Variants in DNA2 observed in about 807,000 individuals in gnomAD.
DNA2 encodes the protein DNA replication helicase/nuclease 2, also known as DNA replication ATP-dependent helicase/nuclease DNA2.
DNA2 carries 101 observed loss-of-function variants against 119.1 expected under a neutral mutation model. That is an observed-to-expected ratio of 0.85 (90% confidence interval 0.72 to 1.00). DNA2 has a LOEUF of 1.00. Ranked by LOEUF, DNA2 falls within the 50% of genes least tolerant of loss-of-function variation. DNA2 has a pLI of 0.00. For synonymous variants in DNA2, 366 were observed against 424.4 expected, an observed-to-expected ratio of 0.86 and a Z score of 1.69; for missense variants, 1,121 against 1,255.5, an observed-to-expected ratio of 0.89 and a Z score of 1.62.
intron 10 of DNA2, among the ~76,000 whole-genome samples, chr10:68,433,365 C>T (rs1294443516): frequency 6.6e-6 from 1 of 152,144 alleles, no homozygotes; most frequent in Non-Finnish European, 1.5e-5. Flanking sequence ...TTTCCTCTAG[C>T]CTGGGTCACT....
At chr10:68,428,365 G>T (rs2051771534) in intron 14 of DNA2, among the ~76,000 whole-genome samples, 1 of 151,768 alleles carries the variant, frequency 6.6e-6, no homozygotes, top group Non-Finnish European at 1.5e-5. Flanking sequence ...ATGCTGAGGA[G>T]ATCACTCATA....
chr10:68,417,964 G>A (rs919356026), intron 19 of DNA2, among the ~76,000 whole-genome samples: 4 of 152,212 alleles, frequency 2.6e-5, no homozygotes, highest in African/African-American at 9.6e-5. Context: ...CAAATTCAGA[G>A]ATAGAATGTA....
chr10:68,417,853 C>T lies in DNA2; in HGVS notation c.2968-998G>A, dbSNP rs761485784. 4.6e-5 allele frequency among the ~76,000 whole-genome samples: 7 copies of T among 152,066 alleles called. No individual in the cohort carries two copies. The East Asian group carries it at 5.8e-4, about 13-fold the overall frequency. On this transcript the variant is annotated intron_variant, in intron 19 of 20. Transcript: ENST00000358410. ...GTCTTAAAAAGGAAGGAAATCCTGT[C>T]GCATACTACAACAGGATGAACTAGC...
chr10:68,439,183 T>C (rs751571167), intron 9 of DNA2, among the ~76,000 whole-genome samples: 1 of 151,024 alleles, frequency 6.6e-6, no homozygotes, highest in Non-Finnish European at 1.5e-5. Flanking sequence ...TCACGTGAGG[T>C]TGAGAGTTCA....
chr10:68,430,364 G>T, intron 14 of DNA2, 72 bp downstream of exon 14: 1 of 1,092,552 alleles, frequency 9.2e-7, no homozygotes, highest in South Asian at 1.5e-5. Context: ...AAATTTCCCA[G>T]AGTACAGTTT....
chr10:68,422,546 C>T lies in DNA2; in HGVS notation c.2461G>A (p.Val821Ile). The change falls in exon 16 of 21, where the codon GTA (valine) becomes ATA (isoleucine). Residue 821 changes from valine to isoleucine, a missense_variant. By Grantham distance (29) the Val-to-Ile change is conservative. Transcript: ENST00000358410. ...KRLEQNKSAV[V>I]QLTVQYRMNS... Reference sequence around the variant, plus strand: ...ATTCTGTACTGCACGGTTAACTGTACAACAGCACTCTTATTCTGCTCCAGC... The same window carrying T: ...ATTCTGTACTGCACGGTTAACTGTATAACAGCACTCTTATTCTGCTCCAGC... The T allele has an allele frequency of 6.2e-7, 1 of 1,614,038 alleles. No homozygotes were observed. The highest frequency in any genetic ancestry group is 8.5e-7 in the Non-Finnish European group (1 of 1,179,900).
At chr10:68,451,787 TGC>T (rs1471399784) in intron 5 of DNA2, among the ~76,000 whole-genome samples, 1 of 151,964 alleles carries the variant, frequency 6.6e-6, no homozygotes, top group Non-Finnish European at 1.5e-5. Flanking sequence ...GACAGGCTTT[TGC>T]CATGTTGTCC....
chr10:68,456,538 C>T (rs955609717), intron 5 of DNA2, among the ~76,000 whole-genome samples: 7 of 151,958 alleles, frequency 4.6e-5, no homozygotes, highest in Admixed American at 6.6e-5. Flanking sequence ...CTCAGCCTCC[C>T]GAGTAGCTGG....
In DNA2 at chr10:68,444,914, T is replaced by A. The variant is rs770686296; in HGVS notation, c.1220+7A>T. The A allele has an allele frequency of 5.0e-6, 8 of 1,609,866 alleles. No individual in the cohort carries two copies. Among genetic ancestry groups the A allele is most frequent in the Middle Eastern group, 3.3e-4 (2 of 6,002 alleles). On this transcript the variant is annotated splice_region_variant and intron_variant, in intron 8 of 20. Coordinates refer to ENST00000358410, the MANE Select transcript of DNA2 (RefSeq NM_001080449.3). The stretch of plus-strand genomic sequence containing the variant: ...TAGAAATAATGCCTTTGGTAGACAA[T>A]ATTTACCTGCTATAAAGAGCACAAT...
chr10:68,464,848 A>AAAC, intron 4 of DNA2, among the ~76,000 whole-genome samples: 1 of 148,924 alleles, frequency 6.7e-6, no homozygotes, highest in African/African-American at 2.5e-5. Context: ...AAAAAAAAAA[A>AAAC]AAAAAAAAAA....
At chr10:68,416,876 AATT>A (rs1243660295) in intron 19 of DNA2, 21 bp from the exon 20 acceptor site, 1 of 1,595,112 alleles carries the variant, frequency 6.3e-7, no homozygotes, top group East Asian at 2.2e-5. Context: ...TATAATTTTC[AATT>A]ATTCAAGTTC....
At chr10:68,468,438 C>T in intron 2 of DNA2, 132 bp from the exon 3 acceptor site, 1 of 594,504 alleles carries the variant, frequency 1.7e-6, no homozygotes, top group Non-Finnish European at 2.6e-6. Flanking sequence ...ATTTCTGGGT[C>T]TTTAAAAAAA....
chr10:68,416,262 C>G (rs1240998848), intron 20 of DNA2, among the ~76,000 whole-genome samples: 1 of 151,972 alleles, frequency 6.6e-6, no homozygotes, highest in Non-Finnish European at 1.5e-5. Flanking sequence ...CCCAGGTGTT[C>G]AAAACCAGCC....
intron 8 of DNA2, among the ~76,000 whole-genome samples, chr10:68,444,181 A>G (rs550752633): frequency 6.5e-4 from 99 of 151,700 alleles, no homozygotes; most frequent in African/African-American, 2.2e-3. Context: ...CACGAGGTCA[A>G]GAGATCGAGA....
At chr10:68,429,473 G>C in intron 14 of DNA2, among the ~76,000 whole-genome samples, 1 of 151,260 alleles carries the variant, frequency 6.6e-6, no homozygotes, top group Non-Finnish European at 1.5e-5. Flanking sequence ...GAATCCGGGA[G>C]GCAGAGGCTG....
Position 68,459,238 on chromosome 10 carries a change from G to A in DNA2, c.588-3C>T. The A allele has an allele frequency of 6.5e-7, 1 of 1,539,668 alleles. No homozygotes were observed. The highest frequency in any genetic ancestry group is 8.7e-7 in the Non-Finnish European group (1 of 1,143,924). ...CTTGACTTAGATTTAAGCGGTACCTGCCAAAAATATAATAGTAAATAGACT... is the reference window on the plus strand; with the variant it reads ...CTTGACTTAGATTTAAGCGGTACCTACCAAAAATATAATAGTAAATAGACT... On this transcript the variant is annotated splice_region_variant and splice_polypyrimidine_tract_variant and intron_variant, in intron 4 of 20. Coordinates refer to ENST00000358410, the MANE Select transcript of DNA2 (RefSeq NM_001080449.3).
chr10:68,415,090 T>C lies in DNA2; in HGVS notation c.3132A>G (p.Ser1044=). The change falls in exon 21 of 21, where the codon TCA becomes TCG. Residue 1044 remains serine, a synonymous_variant. Transcript: ENST00000358410. ...TGTGGCAAAGACTTTCATGTTCTCTTGATGGAAGATCAATGATGTAAAATA... is the reference window on the plus strand; with the variant it reads ...TGTGGCAAAGACTTTCATGTTCTCTCGATGGAAGATCAATGATGTAAAATA... ...NSEKLIIDLP[S]REHESLCHIL... is the part of the protein sequence containing the mutation. 1 of 1,570,630 alleles carries C rather than the reference T, an allele frequency of 6.4e-7. No homozygotes were observed. The highest frequency in any genetic ancestry group is 1.2e-5 in the South Asian group (1 of 85,648).
rs770739424 is a variant in DNA2, at chr10:68,443,005, G to A, written c.1327C>T (p.Leu443Phe). Residue 443 changes from leucine (L) to phenylalanine (F), a missense_variant, in exon 9 of 21, where the codon CTT becomes TTT. Coordinates refer to ENST00000358410, the MANE Select transcript of DNA2 (RefSeq NM_001080449.3). Reference sequence around the variant, plus strand: ...TCCAGGGTTAACATTAGACACCAAAGGCTGAAATATTCTAAGTGTGTTTGC... The same window carrying A: ...TCCAGGGTTAACATTAGACACCAAAAGCTGAAATATTCTAAGTGTGTTTGC... ...LKQTHLEYFS[L>F]WCLMLTLESQ... 1.1e-5 allele frequency: 17 copies of A among 1,611,286 alleles called. No individual in the cohort carries two copies. The South Asian group carries it at 1.9e-4, about 18-fold the overall frequency.
At position 68,419,108 on chromosome 10, in the gene DNA2, T is replaced by C; in HGVS notation, c.2893A>G (p.Thr965Ala). The C allele has an allele frequency of 6.2e-7, 1 of 1,613,550 alleles. No homozygotes were observed. The change falls in exon 19 of 21, where the codon ACA becomes GCA. Residue 965 changes from threonine to alanine, a missense_variant. Coordinates refer to ENST00000358410, the MANE Select transcript of DNA2 (RefSeq NM_001080449.3). The part of the protein sequence containing the change: ...ARSIGMVEVN[T>A]VDKYQGRDKS... ...TCCCTTCCTTGGTATTTGTCTACTGTATTAACTTCGACCATCCCAATAGAA... is the reference window on the plus strand; with the variant it reads ...TCCCTTCCTTGGTATTTGTCTACTGCATTAACTTCGACCATCCCAATAGAA...
Sources: gnomAD v4.1 joint callset for allele counts (sites outside exome capture counted in the v4.1 genomes callset) on GRCh38, gnomAD v4.1.1 for gene constraint, MANE v1.5 for transcripts, NCBI Gene and HGNC (gene_info 2026-07-23, HGNC 2026-07-21) for gene names.